Variants in IGF1R observed in about 807,000 individuals in gnomAD.
IGF1R encodes the protein insulin-like growth factor 1 receptor.
IGF1R carries 44 observed loss-of-function variants against 144.6 expected under a neutral mutation model. The observed-to-expected ratio is 0.30, with a 90% CI of 0.24 to 0.39. IGF1R has a LOEUF of 0.39. IGF1R is among the 10% of genes least tolerant of loss of function. The pLI is 1.00. For missense variants in IGF1R, 1,355 were observed against 1,833.7 expected (o/e 0.74, Z 4.77); for synonymous variants, 795 against 722.8 (o/e 1.10, Z -1.60).
At chr15:98,923,713 C>A in intron 11 of IGF1R, 163 bp from the exon 12 acceptor site, 1 of 662,812 alleles carries the variant, frequency 1.5e-6, no homozygotes. Context: ...TGGCTGATCT[C>A]CACTGTCCTG....
Position 98,957,243 on chromosome 15 carries a change from G to T in IGF1R, c.3905G>T (p.Ser1302Ile), listed in dbSNP as rs757405060. Reference sequence around the variant, plus strand: ...GACCTGGAGCCAGAGAACATGGAGAGCGTCCCCCTGGACCCCTCGGCCTCC... The same window carrying T: ...GACCTGGAGCCAGAGAACATGGAGATCGTCCCCCTGGACCCCTCGGCCTCC... ...ELDLEPENME[S>I]VPLDPSASSS... The change falls in exon 21 of 21, where the codon AGC (serine) becomes ATC (isoleucine). Residue 1302 changes from serine (S) to isoleucine (I), a missense_variant. This residue lies in a region of IGF1R where 219 missense variants were observed against 188.8 expected (regional missense o/e 1.16). Coordinates refer to ENST00000650285, the MANE Select transcript of IGF1R (RefSeq NM_000875.5). 5.6e-6 allele frequency: 9 copies of T among 1,614,226 alleles called. No individual in the cohort carries two copies. The South Asian group carries it at 9.9e-5, about 18-fold the overall frequency.
At chr15:98,883,748 G>A (rs2141636504) in intron 2 of IGF1R, among the ~76,000 whole-genome samples, 1 of 152,288 alleles carries the variant, frequency 6.6e-6, no homozygotes, top group African/African-American at 2.4e-5. Context: ...ATTCATGGGT[G>A]CTGAAAATAA....
chr15:98,649,716 T>C lies in IGF1R; in HGVS notation c.94+41T>C, dbSNP rs768938476. On this transcript the variant is annotated intron_variant, in intron 1 of 20. Transcript: ENST00000650285. ...CCGCCCGCGGCCACTGCGGGAACTTTTCCTCCGAGGGGCTGCGCCCTGTTT... is the reference window on the plus strand; with the variant it reads ...CCGCCCGCGGCCACTGCGGGAACTTCTCCTCCGAGGGGCTGCGCCCTGTTT... 57 of 1,455,016 alleles carry C rather than the reference T, an allele frequency of 3.9e-5. 2 individuals carry two copies. The South Asian group carries it at 6.5e-4, about 17-fold the overall frequency. 90.1% of individuals were successfully genotyped at this position (1,455,016 alleles called of 1,614,324 possible).
intron 2 of IGF1R, among the ~76,000 whole-genome samples, chr15:98,883,780 T>C (rs1344469622): frequency 1.3e-5 from 2 of 152,148 alleles, no homozygotes; most frequent in Admixed American, 6.5e-5. Context: ...CTGTCGAAAG[T>C]GTTCGCCGGG....
chr15:98,962,094 C>CT lies in IGF1R; in HGVS notation c.*4654dup. The CT allele has an allele frequency of 4.3e-6, 1 of 233,330 alleles. No individual in the cohort carries two copies. The highest frequency in any genetic ancestry group is 8.5e-6 in the Non-Finnish European group (1 of 118,066). The allele number at this position is 233,330 out of a possible 1,614,324, so 14.5% of individuals were successfully genotyped here. On this transcript the variant is annotated 3_prime_UTR_variant, in exon 21 of 21. Transcript: ENST00000650285. ...CCTCTGCAGGCTGGCAGCCGAATGG[C>CT]TTGCCAGTGGCTCTGTGGCAAGATC...
At chr15:98,715,909 G>A (rs1046287744) in intron 2 of IGF1R, among the ~76,000 whole-genome samples, 7 of 152,290 alleles carry the variant, frequency 4.6e-5, no homozygotes, top group African/African-American at 1.7e-4. Context: ...AGTAGAGCAG[G>A]CTGTTTAAAT....
intron 2 of IGF1R, among the ~76,000 whole-genome samples, chr15:98,842,204 C>CA (rs1476311395): frequency 1.3e-5 from 2 of 152,224 alleles, no homozygotes; most frequent in Non-Finnish European, 2.9e-5. Context: ...CATTTCTCTA[C>CA]AATCGAAGCT....
chr15:98,951,065 G>A (rs973765657), intron 20 of IGF1R, among the ~76,000 whole-genome samples: 29 of 152,208 alleles, frequency 1.9e-4, no homozygotes, highest in African/African-American at 5.8e-4. Context: ...CCGAACATAG[G>A]TTCAGCTGAA....
intron 2 of IGF1R, among the ~76,000 whole-genome samples, chr15:98,878,982 C>G (rs979943327): frequency 1.3e-5 from 2 of 151,584 alleles, no homozygotes; most frequent in African/African-American, 4.9e-5. Context: ...GGCGCCAGAG[C>G]AAGACTCTGA....
intron 1 of IGF1R, among the ~76,000 whole-genome samples, chr15:98,652,316 G>A (rs910658822): frequency 2.0e-5 from 3 of 152,200 alleles, no homozygotes; most frequent in Non-Finnish European, 4.4e-5. Flanking sequence ...CTCCTTAAAA[G>A]GATTCAGTCA....
chr15:98,669,775 G>C (rs527621096), intron 1 of IGF1R, among the ~76,000 whole-genome samples: 2 of 152,160 alleles, frequency 1.3e-5, no homozygotes, highest in African/African-American at 4.8e-5. Flanking sequence ...CTAGCTTCCC[G>C]TGCCGAACCT....
intron 1 of IGF1R, among the ~76,000 whole-genome samples, chr15:98,705,795 T>G (rs2053847727): frequency 6.6e-6 from 1 of 152,210 alleles, no homozygotes; most frequent in Non-Finnish European, 1.5e-5. Context: ...CATGGGCTTC[T>G]CTCCCGCTCA....
At chr15:98,669,808 G>A (rs1177699956) in intron 1 of IGF1R, among the ~76,000 whole-genome samples, 1 of 152,208 alleles carries the variant, frequency 6.6e-6, no homozygotes, top group Non-Finnish European at 1.5e-5. Flanking sequence ...TGTCTGCCTG[G>A]CAAGGGGGCT....
chr15:98,962,237 C>T lies in IGF1R; in HGVS notation c.*4795C>T, dbSNP rs2017254986. On this transcript the variant is annotated 3_prime_UTR_variant, in exon 21 of 21. Coordinates refer to ENST00000650285, the MANE Select transcript of IGF1R (RefSeq NM_000875.5). ...CCACTCCCTTCTAAAACACAGGCGC[C>T]CTCCTGGTGACAGTGACCCGCCGTG... is the stretch of plus-strand genomic sequence containing the variant. The T allele has an allele frequency of 4.3e-6, 1 of 233,250 alleles. No homozygotes were observed. Among genetic ancestry groups the T allele is most frequent in the African/African-American group, 2.2e-5 (1 of 45,358 alleles). 14.4% of individuals were successfully genotyped at this position (233,250 alleles called of 1,614,324 possible). A position where few individuals can be genotyped will look rare whatever the true frequency, so the allele number is the denominator to read the frequency against.
rs200681134 is a variant in IGF1R, at chr15:98,891,484, A to G, written c.800A>G (p.Asn267Ser). 1.2e-5 allele frequency: 20 copies of G among 1,613,970 alleles called. No homozygotes were observed. Among genetic ancestry groups the G allele is most frequent in the South Asian group, 6.6e-5 (6 of 91,096 alleles). ...GTCTGTGTGCCTGCCTGCCCGCCCA[A>G]CACCTACAGGTTTGAGGGCTGGCGC... Reference protein sequence around the residue: ...AGVCVPACPPNTYRFEGWRCV... With the variant: ...AGVCVPACPPSTYRFEGWRCV... Residue 267 changes from asparagine (N) to serine (S), a missense_variant, in exon 3 of 21, where the codon AAC (asparagine) becomes AGC (serine). Transcript: ENST00000650285. The surrounding 1 kb of genome is among the most constrained non-coding windows in gnomAD (Gnocchi z 4.7).
At chr15:98,690,179 A>G (rs2053440983) in intron 1 of IGF1R, among the ~76,000 whole-genome samples, 1 of 151,994 alleles carries the variant, frequency 6.6e-6, no homozygotes, top group Admixed American at 6.6e-5. Context: ...CCATCTCTAC[A>G]AAAAAATTAA....
intron 2 of IGF1R, among the ~76,000 whole-genome samples, chr15:98,781,372 C>G (rs2055857813): frequency 6.6e-6 from 1 of 152,106 alleles, no homozygotes; most frequent in African/African-American, 2.4e-5. Context: ...TGCCTGATCA[C>G]TTTTGCTAGA....
At chr15:98,875,871 C>T (rs2013034928) in intron 2 of IGF1R, among the ~76,000 whole-genome samples, 2 of 152,112 alleles carry the variant, frequency 1.3e-5, no homozygotes, top group African/African-American at 4.8e-5. Context: ...AGATAGTTTG[C>T]CGGGGCATAG....
intron 2 of IGF1R, among the ~76,000 whole-genome samples, chr15:98,825,076 T>G (rs2056868024): frequency 6.6e-6 from 1 of 152,120 alleles, no homozygotes. Context: ...TGACCTCAAG[T>G]GATCCACCTG....
Sources: allele counts gnomAD v4.1 joint callset (sites outside exome capture counted in the v4.1 genomes callset), GRCh38; gene constraint gnomAD v4.1.1; regional missense constraint gnomAD v4.1.1; non-coding constraint Gnocchi (gnomAD v3.1); transcripts MANE v1.5; gene names NCBI Gene and HGNC (gene_info 2026-07-23, HGNC 2026-07-21).